ALLC: variants seen among roughly 807,000 people sequenced by gnomAD.
ALLC encodes allantoicase.
A neutral mutation model predicts 45.0 loss-of-function variants in ALLC; 40 were observed. That is an observed-to-expected ratio of 0.89 (90% CI 0.69 to 1.16). The LOEUF (loss-of-function observed/expected upper bound fraction) is 1.16. Among genes scored for constraint, ALLC ranks in the 50% most tolerant of loss-of-function variants. The pLI, the probability that ALLC is intolerant of heterozygous loss-of-function variation, is 0.00. For missense variants in ALLC, 488 were observed against 493.1 expected (o/e 0.99, Z 0.10); for synonymous variants, 176 against 178.1 (o/e 0.99, Z 0.09).
At chr2:3,701,688 A>T (rs756526084) in intron 11 of ALLC, 52 bp downstream of exon 11, 38 of 1,547,858 alleles carry the variant, frequency 2.5e-5, no homozygotes, top group Admixed American at 7.1e-5. Flanking sequence ...CTATTTCCCT[A>T]AGATTCTCTT....
At chr2:3,677,008 G>A (rs183599136) in intron 3 of ALLC, among the ~76,000 whole-genome samples, 11 of 152,120 alleles carry the variant, frequency 7.2e-5, no homozygotes, top group South Asian at 4.2e-4. Flanking sequence ...GGCTGGTCTC[G>A]AACTCCTGAC....
chr2:3,683,969 A>C (rs1402806108), intron 7 of ALLC, among the ~76,000 whole-genome samples: 2 of 152,344 alleles, frequency 1.3e-5, no homozygotes, highest in Admixed American at 6.5e-5. Context: ...ATACTCAACC[A>C]CTACCACATT....
chr2:3,651,220 G>T, the ALLC span, among the ~76,000 whole-genome samples: 1,924 of 150,774 alleles, frequency 0.013, 30 homozygotes, highest in African/African-American at 0.03. Flanking sequence ...CGAGGACGGC[G>T]GCGCCCACAC....
At chr2:3,677,915 C>T (rs564218650) in intron 3 of ALLC, among the ~76,000 whole-genome samples, 140 of 152,322 alleles carry the variant, frequency 9.2e-4, no homozygotes, top group African/African-American at 2.9e-3. Context: ...GACACTCCTG[C>T]GAGGATGCGT....
the ALLC span, among the ~76,000 whole-genome samples, chr2:3,651,299 GGT>G: frequency 3.6e-3 from 2 of 558 alleles, no homozygotes; most frequent in Non-Finnish European, 5.3e-3. Context: ...ATTCTTTTTG[GGT>G]GGGTGGGTGG....
At chr2:3,679,783 C>T (rs1262010582) in intron 4 of ALLC, 86 bp from the exon 5 acceptor site, 2 of 1,569,974 alleles carry the variant, frequency 1.3e-6, no homozygotes, top group Admixed American at 3.4e-5. Flanking sequence ...TGCTGTGGGT[C>T]AGGTGCATGT....
At position 3,678,546 on chromosome 2, in the gene ALLC, AG is replaced by A; in HGVS notation, c.165del (p.Ile56PhefsTer72). 1 of 1,613,476 alleles carries A rather than the reference AG, an allele frequency of 6.2e-7. No homozygotes were observed. Among genetic ancestry groups the A allele is most frequent in the Non-Finnish European group, 8.5e-7 (1 of 1,179,418 alleles). ...WMDGWETRRK[R>X]IPGHDWCVLR... is the part of the protein sequence containing the mutation. Reference sequence around the variant, plus strand: ...GGATGGCTGGGAGACCAGGAGGAAAAGGATTCCAGGTAATAACAACGGTTCG... The same window carrying A: ...GGATGGCTGGGAGACCAGGAGGAAAAGATTCCAGGTAATAACAACGGTTCG... On this transcript the variant is annotated frameshift_variant, in exon 4 of 12. Coordinates refer to ENST00000252505, the MANE Select transcript of ALLC (RefSeq NM_018436.4). LOFTEE classifies it high-confidence loss of function.
In ALLC at chr2:3,684,627, A is replaced by G. The variant is rs574100777; in HGVS notation, c.511+1553A>G. ...TTTGCATCCTAATAGCTTAGCTCCC[A>G]CTTATAACTGAGAACATATGATGTT... On this transcript the variant is annotated intron_variant, in intron 7 of 11. Transcript: ENST00000252505. Among the ~76,000 whole-genome samples, 3 of 151,838 alleles carry G rather than the reference A, an allele frequency of 2.0e-5. No homozygotes were observed. In the South Asian group the frequency reaches 6.3e-4, roughly 32 times the overall value.
chr2:3,670,755 T>C (rs896999859), intron 1 of ALLC, among the ~76,000 whole-genome samples: 2 of 152,240 alleles, frequency 1.3e-5, no homozygotes, highest in Non-Finnish European at 2.9e-5. Flanking sequence ...AAAAGCAAGT[T>C]ATTATTTTCA....
chr2:3,672,574 C>T (rs368691865), intron 2 of ALLC, among the ~76,000 whole-genome samples: 1,849 of 31,172 alleles, frequency 0.059, 2 homozygotes, highest in Middle Eastern at 0.074. Context: ...TGGGAGGTCC[C>T]CTGGCTCTGG....
intron 1 of ALLC, among the ~76,000 whole-genome samples, chr2:3,660,215 C>T (rs1666537244): frequency 6.6e-6 from 1 of 152,184 alleles, no homozygotes; most frequent in African/African-American, 2.4e-5. Flanking sequence ...CCTGGCGTCC[C>T]TCCCACGCTT....
chr2:3,695,598 G>C (rs1214892298), intron 7 of ALLC, 119 bp from the exon 8 acceptor site: 10 of 1,102,568 alleles, frequency 9.1e-6, no homozygotes, highest in Non-Finnish European at 1.3e-5. Context: ...AGAAACAGCA[G>C]GTGGGTGTGG....
chr2:3,667,817 T>C (rs978199588), intron 1 of ALLC, among the ~76,000 whole-genome samples: 2 of 152,116 alleles, frequency 1.3e-5, no homozygotes, highest in South Asian at 2.1e-4. Context: ...CAGGCTGGAG[T>C]GCAATGGCAC....
At chr2:3,667,534 A>G (rs1272269044) in intron 1 of ALLC, among the ~76,000 whole-genome samples, 1 of 152,256 alleles carries the variant, frequency 6.6e-6, no homozygotes, top group African/African-American at 2.4e-5. Flanking sequence ...GCGGGCTGTG[A>G]CAACTTACTT....
intron 1 of ALLC, among the ~76,000 whole-genome samples, chr2:3,663,611 A>G (rs1417404896): frequency 6.6e-6 from 1 of 152,162 alleles, no homozygotes; most frequent in Non-Finnish European, 1.5e-5. Flanking sequence ...TATGTCAGAA[A>G]CAGTATCTGC....
intron 10 of ALLC, among the ~76,000 whole-genome samples, chr2:3,697,711 C>G (rs12614666): frequency 0.47 from 71,211 of 151,366 alleles, 17,510 homozygotes; most frequent in African/African-American, 0.62. Flanking sequence ...TGTCGCCCAG[C>G]CTGGAGTGCA....
chr2:3,702,454 G>C lies in ALLC; in HGVS notation c.1067G>C (p.Gly356Ala). The C allele has an allele frequency of 6.2e-7, 1 of 1,612,864 alleles. No individual in the cohort carries two copies. Among genetic ancestry groups the C allele is most frequent in the Non-Finnish European group, 8.5e-7 (1 of 1,179,762 alleles). Residue 356 changes from glycine (G) to alanine (A), a missense_variant, in exon 12 of 12, where the codon GGG (glycine) becomes GCG (alanine). By Grantham distance (60) the Gly-to-Ala change is moderately conservative. Coordinates refer to ENST00000252505, the MANE Select transcript of ALLC (RefSeq NM_018436.4). ...GCCAGGCTCACCATCGTCCCCGACG[G>C]GGGAGTGAGCCGCCTTCGGCTCCGG... The part of the protein sequence containing the change: ...THARLTIVPD[G>A]GVSRLRLRGF...
At chr2:3,697,294 G>A (rs1667699385) in intron 9 of ALLC, 54 bp from the exon 10 acceptor site, 1 of 1,435,980 alleles carries the variant, frequency 7.0e-7, no homozygotes, top group Non-Finnish European at 9.8e-7. Context: ...TTCGGGACTG[G>A]TTTCTTGAAT....
At chr2:3,651,296 TTGGGTGGGTGGGTGGGTGG>T in the ALLC span, among the ~76,000 whole-genome samples, 4 of 3,938 alleles carry the variant, frequency 1.0e-3, no homozygotes, top group Admixed American at 2.9e-3. Context: ...GGAATTCTTT[TTGGGTGGGTGGGTGGGTGG>T]GGGGGGTGTG....
Sources: allele counts gnomAD v4.1 joint callset (sites outside exome capture counted in the v4.1 genomes callset), GRCh38; gene constraint gnomAD v4.1.1; transcripts MANE v1.5; gene names NCBI Gene and HGNC (gene_info 2026-07-23, HGNC 2026-07-21).